Variants in TMTC3 observed in about 807,000 individuals in gnomAD.
TMTC3 encodes the protein protein O-mannosyl-transferase TMTC3.
Under a neutral mutation model 92.2 loss-of-function variants are expected in TMTC3, and 52 were observed. That is an observed-to-expected ratio of 0.56 (90% CI 0.45 to 0.71). The LOEUF (loss-of-function observed/expected upper bound fraction) is 0.71. Among genes scored for constraint, TMTC3 ranks in the 30% least tolerant of loss-of-function variants. TMTC3 has a pLI of 0.00. For missense variants in TMTC3, 896 were observed against 1,057.1 expected, an observed-to-expected ratio of 0.85 and a Z score of 2.11; for synonymous variants, 339 against 363.3, an observed-to-expected ratio of 0.93 and a Z score of 0.76.
At position 88,199,325 on chromosome 12, in the gene TMTC3, G is replaced by C. The variant is rs1281497780; in HGVS notation, c.*3676G>C. ...TCCTCAGTTTCTTCATCTACAAGTT[G>C]GGAAAAACATTTTCCTCTTAAAATT... On this transcript the variant is annotated 3_prime_UTR_variant, in exon 14 of 14. Transcript: ENST00000266712. 1 of 151,604 alleles carries C rather than the reference G, an allele frequency of 6.6e-6. No homozygotes were observed. The highest frequency in any genetic ancestry group is 1.5e-5 in the Non-Finnish European group (1 of 67,880). The allele number at this position is 151,604 out of a possible 1,614,324, so 9.4% of individuals were successfully genotyped here.
At chr12:88,193,921 C>T (rs1188418063) in intron 13 of TMTC3, among the ~76,000 whole-genome samples, 1 of 151,634 alleles carries the variant, frequency 6.6e-6, no homozygotes, top group African/African-American at 2.4e-5. Context: ...TAGAAATTAT[C>T]TCAATGGAGA....
chr12:88,192,508 A>C (rs1321889155), intron 12 of TMTC3, 96 bp from the exon 13 acceptor site: 2 of 783,066 alleles, frequency 2.6e-6, no homozygotes, highest in East Asian at 5.0e-5. Flanking sequence ...GAGAAAAAAA[A>C]GCTGTATGTG....
At position 88,198,316 on chromosome 12, in the gene TMTC3, AAG is replaced by A. The variant is rs1320884860; in HGVS notation, c.*2672_*2673del. ...GTTCTGATCATATGGAAGTTTGGAA[AAG>A]AGAGCTTATCACAGGTTTGTATGCT... is the stretch of plus-strand genomic sequence containing the variant. On this transcript the variant is annotated 3_prime_UTR_variant, in exon 14 of 14. Coordinates refer to ENST00000266712, the MANE Select transcript of TMTC3 (RefSeq NM_181783.4). 5.0e-6 allele frequency: 2 copies of A among 397,864 alleles called. No individual in the cohort carries two copies. The highest frequency in any genetic ancestry group is 6.2e-4 in the Middle Eastern group (1 of 1,608). 24.6% of individuals were successfully genotyped at this position (397,864 alleles called of 1,614,324 possible).
At chr12:88,155,839 A>T (rs530153641) in intron 4 of TMTC3, among the ~76,000 whole-genome samples, 2 of 152,246 alleles carry the variant, frequency 1.3e-5, no homozygotes, top group East Asian at 3.9e-4. Flanking sequence ...GGCTGGGTGC[A>T]GTGGTTCACG....
chr12:88,163,611 G>A (rs1263582081), intron 6 of TMTC3, among the ~76,000 whole-genome samples: 1 of 152,106 alleles, frequency 6.6e-6, no homozygotes, highest in Non-Finnish European at 1.5e-5. Flanking sequence ...TCTGGTGGTT[G>A]CTAGCAGTCT....
intron 2 of TMTC3, among the ~76,000 whole-genome samples, chr12:88,151,148 T>C (rs1230970834): frequency 6.7e-6 from 1 of 149,942 alleles, no homozygotes; most frequent in Non-Finnish European, 1.5e-5. Context: ...TGTGTGTGTT[T>C]AGTTGTTTTG....
At position 88,197,798 on chromosome 12, in the gene TMTC3, T is replaced by C. The variant is rs1490600215; in HGVS notation, c.*2149T>C. On this transcript the variant is annotated 3_prime_UTR_variant, in exon 14 of 14. Transcript: ENST00000266712. Reference sequence around the variant, plus strand: ...AATAATTGTTTTAAATCAGTGGTTTTCAACCCTCACTTCATATTAGAATCA... The same window carrying C: ...AATAATTGTTTTAAATCAGTGGTTTCCAACCCTCACTTCATATTAGAATCA... 1 of 152,066 alleles carries C rather than the reference T, an allele frequency of 6.6e-6. No homozygotes were observed. 9.4% of individuals were successfully genotyped at this position (152,066 alleles called of 1,614,324 possible).
chr12:88,148,837 C>G, intron 2 of TMTC3, among the ~76,000 whole-genome samples: 1 of 151,894 alleles, frequency 6.6e-6, no homozygotes, highest in Non-Finnish European at 1.5e-5. Context: ...ATCTGTCACC[C>G]AGACAGCGAG....
intron 7 of TMTC3, 62 bp from the exon 8 acceptor site, chr12:88,172,535 A>C (rs938494768): frequency 4.0e-6 from 4 of 1,004,002 alleles, no homozygotes; most frequent in Non-Finnish European, 5.1e-6. Context: ...TATATTTCTT[A>C]ATTTATTATA....
intron 10 of TMTC3, among the ~76,000 whole-genome samples, chr12:88,185,948 A>T (rs188591474): frequency 6.6e-6 from 1 of 152,192 alleles, no homozygotes; most frequent in African/African-American, 2.4e-5. Flanking sequence ...GCTATTAGTA[A>T]TTTTTACATC....
Position 88,153,380 on chromosome 12 carries a change from T to C in TMTC3, c.279T>C (p.His93=), listed in dbSNP as rs1276312710. ...GTGAACTAAAACCAATGTCATATCA[T>C]CTCCTGAATATGATTTTTCATGCTG... ...LLSELKPMSY[H]LLNMIFHAVV... is the part of the protein sequence containing the mutation. The change falls in exon 3 of 14, where the codon CAT becomes CAC. Residue 93 remains histidine, a synonymous_variant. Coordinates refer to ENST00000266712, the MANE Select transcript of TMTC3 (RefSeq NM_181783.4). 1.9e-6 allele frequency: 3 copies of C among 1,612,916 alleles called. No individual in the cohort carries two copies. The East Asian group carries it at 6.7e-5, about 36-fold the overall frequency.
chr12:88,162,951 G>A (rs1041926495), intron 6 of TMTC3, among the ~76,000 whole-genome samples: 2 of 137,032 alleles, frequency 1.5e-5, no homozygotes, highest in African/African-American at 2.7e-5. Flanking sequence ...TTTCGCTTTT[G>A]TTGCCCAGGG....
rs1050602740 is a variant in TMTC3 at position 88,199,140 on chromosome 12, A to ATAAG, written c.*3493_*3496dup. On this transcript the variant is annotated 3_prime_UTR_variant, in exon 14 of 14. Coordinates refer to ENST00000266712, the MANE Select transcript of TMTC3 (RefSeq NM_181783.4). ...AGCAGTGATCTGAGAAAGACATTAA[A>ATAAG]TAAGTTTCTGAGAGTGATACATTTT... 4.5e-4 allele frequency: 69 copies of ATAAG among 152,186 alleles called. No individual in the cohort carries two copies. The highest frequency in any genetic ancestry group is 1.5e-3 in the African/African-American group (64 of 41,572). 9.4% of individuals were successfully genotyped at this position (152,186 alleles called of 1,614,324 possible).
chr12:88,170,921 A>G (rs1449733174), intron 7 of TMTC3, among the ~76,000 whole-genome samples: 1 of 152,198 alleles, frequency 6.6e-6, no homozygotes, highest in African/African-American at 2.4e-5. Flanking sequence ...AAACATTTTT[A>G]TGATGTTTCA....
intron 12 of TMTC3, 127 bp from the exon 13 acceptor site, chr12:88,192,477 T>A: frequency 1.7e-6 from 1 of 605,032 alleles, no homozygotes; most frequent in Non-Finnish European, 2.9e-6. Flanking sequence ...CGAAAGAGAG[T>A]TTTTTAAGAG....
chr12:88,181,153 TG>T (rs1330509144), intron 10 of TMTC3, among the ~76,000 whole-genome samples: 1 of 152,322 alleles, frequency 6.6e-6, no homozygotes, highest in African/African-American at 2.4e-5. Context: ...TTTTAATTTT[TG>T]TGGGCCACCC....
chr12:88,172,753 T>G lies in TMTC3; in HGVS notation c.1199+8T>G. The G allele has an allele frequency of 1.3e-6, 2 of 1,589,778 alleles. No homozygotes were observed. The highest frequency in any genetic ancestry group is 8.5e-7 in the Non-Finnish European group (1 of 1,171,798). ...GAAAATATCAACAAAAAGGTGAATT[T>G]AAATGTCAGTTCATGTAATGCTTAC... On this transcript the variant is annotated splice_region_variant and intron_variant, in intron 8 of 13. Coordinates refer to ENST00000266712, the MANE Select transcript of TMTC3 (RefSeq NM_181783.4).
intron 2 of TMTC3, among the ~76,000 whole-genome samples, chr12:88,151,133 T>TTG (rs1389471445): frequency 2.0e-5 from 3 of 151,062 alleles, no homozygotes; most frequent in East Asian, 2.0e-4. Flanking sequence ...TTGTCTTATT[T>TTG]TGTGTGTGTG....
intron 9 of TMTC3, among the ~76,000 whole-genome samples, 181 bp from the exon 10 acceptor site, chr12:88,176,027 G>A (rs2041255202): frequency 6.6e-6 from 1 of 152,176 alleles, no homozygotes; most frequent in Non-Finnish European, 1.5e-5. Context: ...GTTTTAGTAT[G>A]TTGGTGTTCA....
Sources: gnomAD v4.1 joint callset for allele counts (sites outside exome capture counted in the v4.1 genomes callset) on GRCh38, gnomAD v4.1.1 for gene constraint, MANE v1.5 for transcripts, NCBI Gene and HGNC (gene_info 2026-07-23, HGNC 2026-07-21) for gene names.